The following GTSF1 variants were observed in gnomAD, a reference collection of about 807,000 sequenced individuals.
The protein encoded by GTSF1 is gametocyte-specific factor 1.
Under a neutral mutation model 28.9 loss-of-function variants are expected in GTSF1, and 11 were observed. The ratio of observed to expected loss-of-function variants is 0.38; its 90% confidence interval spans 0.24 to 0.63. The LOEUF (loss-of-function observed/expected upper bound fraction) is 0.63, where lower values mean the gene tolerates loss of function less well. Among genes scored for constraint, GTSF1 ranks in the 30% least tolerant of loss-of-function variants. The pLI, the probability that GTSF1 is intolerant of heterozygous loss-of-function variation, is 0.56. For missense variants in GTSF1, 146 were observed against 201.0 expected (o/e 0.73, Z 1.66); for synonymous variants, 69 against 65.6 (o/e 1.05, Z -0.25).
At chr12:54,458,480 T>G (rs1249785361) in intron 8 of GTSF1, among the ~76,000 whole-genome samples, 1 of 152,174 alleles carries the variant, frequency 6.6e-6, no homozygotes, top group Non-Finnish European at 1.5e-5. Flanking sequence ...CAGGCGATTC[T>G]CCTGCCTCAG....
chr12:54,469,963 G>A lies in GTSF1; in HGVS notation c.16+1270C>T, dbSNP rs186004598. Reference sequence around the variant, plus strand: ...CAAGGCAGGTGGATCACAAGGTCAGGAGTTCAAGACCAGCCTGGCCAACAC... The same window carrying A: ...CAAGGCAGGTGGATCACAAGGTCAGAAGTTCAAGACCAGCCTGGCCAACAC... On this transcript the variant is annotated intron_variant, in intron 2 of 8. Coordinates refer to ENST00000305879, the MANE Select transcript of GTSF1 (RefSeq NM_144594.3). Among the ~76,000 whole-genome samples, 463 of 152,286 alleles carry A rather than the reference G, an allele frequency of 3.0e-3. 5 individuals carry two copies. The highest frequency in any genetic ancestry group is 4.4e-3 in the Non-Finnish European group (298 of 68,014).
chr12:54,463,346 G>A (rs1379495739), intron 3 of GTSF1, 49 bp from the exon 4 acceptor site: 2 of 1,597,500 alleles, frequency 1.3e-6, no homozygotes, highest in South Asian at 2.2e-5. Context: ...ATCTACTAAA[G>A]TCAACAGGGA....
intron 2 of GTSF1, among the ~76,000 whole-genome samples, chr12:54,470,452 T>C (rs1004459293): frequency 1.3e-5 from 2 of 152,234 alleles, no homozygotes; most frequent in Non-Finnish European, 2.9e-5. Flanking sequence ...TTTGGAGATA[T>C]AGCTCTCCAC....
intron 2 of GTSF1, chr12:54,466,835 T>TTTA (rs397786344): frequency 6.8e-6 from 1 of 148,038 alleles, no homozygotes; most frequent in Non-Finnish European, 1.5e-5. Context: ...TTTTTTTTTT[T>TTTA]GACAGAGTCT....
chr12:54,459,321 T>C, intron 7 of GTSF1, 196 bp from the exon 8 acceptor site: 1 of 1,443,572 alleles, frequency 6.9e-7, no homozygotes, highest in South Asian at 1.4e-5. Flanking sequence ...ACCAAGCCTT[T>C]TGACATATAA....
intron 5 of GTSF1, 83 bp downstream of exon 5, chr12:54,462,559 A>C: frequency 8.4e-7 from 1 of 1,185,476 alleles, no homozygotes; most frequent in Non-Finnish European, 1.2e-6. Context: ...GTATGTTCAT[A>C]AAAAAGGAAA....
rs1368139377 is a variant in GTSF1 at position 54,460,373 on chromosome 12, T to G, written c.487+4A>C. On this transcript the variant is annotated splice_donor_region_variant and intron_variant, in intron 7 of 8. Coordinates refer to ENST00000305879, the MANE Select transcript of GTSF1 (RefSeq NM_144594.3). ...TAAAACTATTTTGTCTCTATTTCAC[T>G]TACTGTTTTTCCATGGCAGAACATA... 1 of 1,599,750 alleles carries G rather than the reference T, an allele frequency of 6.3e-7. No individual in the cohort carries two copies. The highest frequency in any genetic ancestry group is 8.6e-7 in the Non-Finnish European group (1 of 1,166,972).
At chr12:54,462,910 A>G (rs557212307) in intron 4 of GTSF1, among the ~76,000 whole-genome samples, 185 bp from the exon 5 acceptor site, 2 of 152,340 alleles carry the variant, frequency 1.3e-5, no homozygotes, top group East Asian at 3.9e-4. Flanking sequence ...AGCAGAAACA[A>G]AAATGTTTAC....
chr12:54,467,468 C>T (rs770748298), intron 2 of GTSF1, among the ~76,000 whole-genome samples: 1 of 152,004 alleles, frequency 6.6e-6, no homozygotes, highest in Non-Finnish European at 1.5e-5. Context: ...GCATCCACCA[C>T]CAAGCTCAGC....
At chr12:54,459,722 CTTTTTTTTTTTTTT>C (rs760438714) in intron 7 of GTSF1, 1 of 132,996 alleles carries the variant, frequency 7.5e-6, no homozygotes, top group African/African-American at 3.0e-5. Flanking sequence ...GATATTATGC[CTTTTTTTTTTTTTT>C]TTTTTTTTGA....
intron 2 of GTSF1, among the ~76,000 whole-genome samples, chr12:54,469,989 G>A (rs938053364): frequency 1.2e-4 from 19 of 152,242 alleles, no homozygotes; most frequent in African/African-American, 2.9e-4. Context: ...TGGCCAACAC[G>A]GTGAAACCCG....
intron 8 of GTSF1, among the ~76,000 whole-genome samples, chr12:54,456,710 C>T (rs1956337147): frequency 6.6e-6 from 1 of 152,188 alleles, no homozygotes; most frequent in Admixed American, 6.5e-5. Flanking sequence ...CACTTAAGTT[C>T]CTTAAGGGCA....
At chr12:54,457,468 A>G (rs560264217) in intron 8 of GTSF1, among the ~76,000 whole-genome samples, 3 of 152,238 alleles carry the variant, frequency 2.0e-5, no homozygotes, top group Admixed American at 2.0e-4. Context: ...TTTTTTAGAG[A>G]CAGGTCTCAC....
Position 54,459,126 on chromosome 12 carries a change from C to A in GTSF1, c.488-1G>T. Reference sequence around the variant, plus strand: ...GTATTCAGTTACTGTGCATTTCCATCTACAAGTAGAAATATTTCAAAATAA... The same window carrying A: ...GTATTCAGTTACTGTGCATTTCCATATACAAGTAGAAATATTTCAAAATAA... On this transcript the variant is annotated splice_acceptor_variant, in intron 7 of 8. Transcript: ENST00000305879. LOFTEE classifies it high-confidence loss of function. 1 of 1,605,024 alleles carries A rather than the reference C, an allele frequency of 6.2e-7. No homozygotes were observed. The highest frequency in any genetic ancestry group is 8.5e-7 in the Non-Finnish European group (1 of 1,173,892).
chr12:54,465,205 T>C (rs373904204), intron 2 of GTSF1, 38 bp from the exon 3 acceptor site: 13 of 1,383,224 alleles, frequency 9.4e-6, no homozygotes, highest in African/African-American at 1.4e-5. Flanking sequence ...AAAACGATAA[T>C]AGGCCCTTGT....
At chr12:54,463,816 C>T (rs1222323158) in intron 3 of GTSF1, among the ~76,000 whole-genome samples, 1 of 152,180 alleles carries the variant, frequency 6.6e-6, no homozygotes, top group Non-Finnish European at 1.5e-5. Flanking sequence ...TTCAGATTAA[C>T]ACAGTGATGC....
intron 1 of GTSF1, chr12:54,472,538 T>C (rs971074785): frequency 2.6e-5 from 4 of 152,208 alleles, no homozygotes; most frequent in African/African-American, 9.6e-5. Flanking sequence ...AGAAATCTCT[T>C]CTATTGAGCA....
intron 6 of GTSF1, 56 bp downstream of exon 6, chr12:54,462,053 G>A: frequency 4.5e-6 from 6 of 1,336,608 alleles, no homozygotes; most frequent in Non-Finnish European, 6.5e-6. Flanking sequence ...GCTTCTCTTG[G>A]TAACAGAACA....
intron 1 of GTSF1, among the ~76,000 whole-genome samples, chr12:54,471,597 T>C (rs150804853): frequency 6.6e-6 from 1 of 152,298 alleles, no homozygotes; most frequent in African/African-American, 2.4e-5. Flanking sequence ...ATTACTTAAG[T>C]GCCTGTCACT....
Sources: allele counts gnomAD v4.1 joint callset (sites outside exome capture counted in the v4.1 genomes callset), GRCh38; gene constraint gnomAD v4.1.1; transcripts MANE v1.5; gene names NCBI Gene and HGNC (gene_info 2026-07-23, HGNC 2026-07-21).